The following TMEM132D variants were observed in gnomAD, a reference collection of about 807,000 sequenced individuals.
TMEM132D encodes transmembrane protein 132D.
In TMEM132D, 21 loss-of-function variants were observed where a neutral mutation model predicts 62.3. The observed-to-expected ratio is 0.34, with a 90% CI of 0.24 to 0.49. TMEM132D has a LOEUF of 0.49. Ranked by LOEUF, TMEM132D falls within the 20% of genes least tolerant of loss-of-function variation. The pLI, the probability that TMEM132D is intolerant of heterozygous loss-of-function variation, is 0.99. For synonymous variants in TMEM132D, 621 were observed against 575.6 expected, an observed-to-expected ratio of 1.08 and a Z score of -1.13; for missense variants, 1,346 against 1,402.8, an observed-to-expected ratio of 0.96 and a Z score of 0.65.
At chr12:129,268,839 TA>T (rs1214567150) in intron 4 of TMEM132D, among the ~76,000 whole-genome samples, 179 of 151,808 alleles carry the variant, frequency 1.2e-3, no homozygotes, top group African/African-American at 3.9e-3. Context: ...TATGCAGCCA[TA>T]AAAAAAGGAT....
intron 2 of TMEM132D, among the ~76,000 whole-genome samples, chr12:129,618,175 G>C (rs566319692): frequency 2.9e-4 from 44 of 152,304 alleles, no homozygotes; most frequent in Non-Finnish European, 3.1e-4. Flanking sequence ...TTACAGATGC[G>C]AGGGTCCTAT....
At chr12:129,314,600 C>T (rs1051269139) in intron 4 of TMEM132D, among the ~76,000 whole-genome samples, 1 of 152,124 alleles carries the variant, frequency 6.6e-6, no homozygotes, top group African/African-American at 2.4e-5. Context: ...TTTGGCTATC[C>T]AGGCTCTTTC....
chr12:129,873,073 G>A (rs1237667310), intron 1 of TMEM132D, among the ~76,000 whole-genome samples: 2 of 152,200 alleles, frequency 1.3e-5, no homozygotes, highest in Admixed American at 1.3e-4. Context: ...CCTGGAGTCT[G>A]ATAGACCCAT....
chr12:129,713,402 G>GTT (rs879437847), intron 1 of TMEM132D, among the ~76,000 whole-genome samples: 1 of 138,840 alleles, frequency 7.2e-6, no homozygotes, highest in Non-Finnish European at 1.7e-5. Flanking sequence ...TTGGTTTTTT[G>GTT]TTGTTTTTTT....
intron 5 of TMEM132D, among the ~76,000 whole-genome samples, chr12:129,158,646 C>T (rs1877312656): frequency 1.3e-5 from 2 of 152,100 alleles, no homozygotes; most frequent in Admixed American, 1.3e-4. Context: ...CAAGTGTTGC[C>T]AGAGGAAGAG....
chr12:129,097,851 T>G (rs1374007110), intron 5 of TMEM132D, among the ~76,000 whole-genome samples: 2 of 152,240 alleles, frequency 1.3e-5, no homozygotes, highest in Non-Finnish European at 2.9e-5. Flanking sequence ...AACATTCTGG[T>G]TCCCTTCAAG....
chr12:129,312,725 T>G (rs148859447), intron 4 of TMEM132D, among the ~76,000 whole-genome samples: 1,815 of 152,290 alleles, frequency 0.012, 37 homozygotes, highest in African/African-American at 0.041. Context: ...CGCCCGCCAC[T>G]ATGGCCGGTA....
rs2135603198 is a variant in TMEM132D, at chr12:129,074,458, A to G, written c.2717T>C (p.Leu906Pro). ...GCTCAGCCCTTTGGATGCCTGCATA[A>G]GGTCATTCCCATCCATTTCCCCATT... ...RSNGEMDGND[L>P]MQASKGLSDL... The change falls in exon 9 of 9, where the codon CTT becomes CCT. Residue 906 changes from leucine to proline, a missense_variant. By Grantham distance (98) the Leu-to-Pro change is moderately conservative (BLOSUM62 -3). Transcript: ENST00000422113. 1 of 1,614,162 alleles carries G rather than the reference A, an allele frequency of 6.2e-7. No individual in the cohort carries two copies. Among genetic ancestry groups the G allele is most frequent in the Non-Finnish European group, 8.5e-7 (1 of 1,180,026 alleles).
intron 2 of TMEM132D, among the ~76,000 whole-genome samples, chr12:129,585,337 A>G (rs943298110): frequency 1.3e-5 from 2 of 152,228 alleles, no homozygotes; most frequent in Admixed American, 6.5e-5. Flanking sequence ...GAGGAAGAGA[A>G]AGAAGGTGGC....
chr12:129,597,252 G>A (rs1365195325), intron 2 of TMEM132D, among the ~76,000 whole-genome samples: 3 of 152,146 alleles, frequency 2.0e-5, no homozygotes, highest in African/African-American at 7.2e-5. Context: ...GGACATTTTT[G>A]CTGATCTCAG....
intron 2 of TMEM132D, among the ~76,000 whole-genome samples, chr12:129,641,062 A>G (rs1027306126): frequency 2.6e-5 from 4 of 152,170 alleles, no homozygotes; most frequent in Admixed American, 1.3e-4. Flanking sequence ...ATTTCATTAT[A>G]TATTACAATG....
At chr12:129,166,750 CAT>C (rs1565984584) in intron 5 of TMEM132D, among the ~76,000 whole-genome samples, 45 of 138,060 alleles carry the variant, frequency 3.3e-4, no homozygotes, top group Admixed American at 2.2e-4. Flanking sequence ...TACACATATA[CAT>C]ACACACACAC....
At chr12:129,632,896 C>T (rs891234914) in intron 2 of TMEM132D, among the ~76,000 whole-genome samples, 12 of 152,172 alleles carry the variant, frequency 7.9e-5, no homozygotes, top group South Asian at 4.1e-4. Flanking sequence ...GGTGCATTCA[C>T]GCATCTTCTA....
chr12:129,161,534 C>A lies in TMEM132D; in HGVS notation c.1443+47986G>T, dbSNP rs554717842. 2.0e-5 allele frequency among the ~76,000 whole-genome samples: 3 copies of A among 152,224 alleles called. No individual in the cohort carries two copies. The East Asian group carries it at 5.8e-4, about 29-fold the overall frequency. On this transcript the variant is annotated intron_variant, in intron 5 of 8. Coordinates refer to ENST00000422113, the MANE Select transcript of TMEM132D (RefSeq NM_133448.3). ...GTGAAGTACTGATTTACTTTTTGTACCCAAACAGCTATTAAAGTAATTTCC... is the reference window on the plus strand; with the variant it reads ...GTGAAGTACTGATTTACTTTTTGTAACCAAACAGCTATTAAAGTAATTTCC...
intron 2 of TMEM132D, among the ~76,000 whole-genome samples, chr12:129,590,393 C>T (rs1878155573): frequency 6.6e-6 from 1 of 152,340 alleles, no homozygotes; most frequent in East Asian, 1.9e-4. Flanking sequence ...CCATGCAAGG[C>T]GCTTCCTCCT....
intron 3 of TMEM132D, among the ~76,000 whole-genome samples, chr12:129,518,822 A>G (rs1169445183): frequency 6.6e-6 from 1 of 152,142 alleles, no homozygotes; most frequent in African/African-American, 2.4e-5. Context: ...TCTATTATCA[A>G]TAACAATGTG....
chr12:129,390,603 A>C (rs1199374910), intron 3 of TMEM132D, among the ~76,000 whole-genome samples: 1 of 152,190 alleles, frequency 6.6e-6, no homozygotes, highest in Non-Finnish European at 1.5e-5. Context: ...CTGATTTTGG[A>C]TATAGAAGGA....
At chr12:129,167,932 T>C (rs1165104921) in intron 5 of TMEM132D, among the ~76,000 whole-genome samples, 2 of 152,094 alleles carry the variant, frequency 1.3e-5, no homozygotes, top group African/African-American at 4.8e-5. Context: ...GAAATGTTTA[T>C]GAATGGTTGG....
At chr12:129,177,901 C>T (rs1877949498) in intron 5 of TMEM132D, among the ~76,000 whole-genome samples, 1 of 152,168 alleles carries the variant, frequency 6.6e-6, no homozygotes, top group Non-Finnish European at 1.5e-5. Flanking sequence ...ATTAGCTATT[C>T]TTCCTGATGC....
Sources: allele counts gnomAD v4.1 joint callset (sites outside exome capture counted in the v4.1 genomes callset), GRCh38; gene constraint gnomAD v4.1.1; transcripts MANE v1.5; gene names NCBI Gene and HGNC (gene_info 2026-07-23, HGNC 2026-07-21).